The following C11orf65 variants were observed in gnomAD, a reference collection of about 807,000 sequenced individuals.
The protein encoded by C11orf65 is protein MFI.
A neutral mutation model predicts 35.3 loss-of-function variants in C11orf65; 38 were observed. The observed-to-expected ratio is 1.08, with a 90% CI of 0.83 to 1.41. C11orf65 has a LOEUF of 1.41. C11orf65 is among the 40% of genes most tolerant of loss of function. The pLI is 0.00. For synonymous variants in C11orf65, 105 were observed against 114.4 expected (o/e 0.92, Z 0.53); for missense variants, 370 against 367.1 (o/e 1.01, Z -0.06).
At chr11:108,360,334 C>T (rs1029835532) in intron 2 of C11orf65, among the ~76,000 whole-genome samples, 5 of 150,672 alleles carry the variant, frequency 3.3e-5, no homozygotes, top group Non-Finnish European at 5.9e-5. Flanking sequence ...AGTCCAGGAC[C>T]AGATGGATTC....
intron 2 of C11orf65, among the ~76,000 whole-genome samples, chr11:108,445,024 G>A (rs1591574821): frequency 6.6e-6 from 1 of 152,190 alleles, no homozygotes; most frequent in Non-Finnish European, 1.5e-5. Flanking sequence ...AGCAGTCTGA[G>A]ATCAAACTGC....
chr11:108,407,898 C>T (rs143558579), intron 3 of C11orf65, among the ~76,000 whole-genome samples: 7,728 of 138,650 alleles, frequency 0.056, 698 homozygotes, highest in African/African-American at 0.2. Context: ...CCCCACTGCA[C>T]TCCAGCCTGG....
chr11:108,458,885 T>C (rs1328056506), intron 2 of C11orf65, among the ~76,000 whole-genome samples: 2 of 152,126 alleles, frequency 1.3e-5, no homozygotes, highest in Non-Finnish European at 2.9e-5. Flanking sequence ...TCTCACTCAA[T>C]AAATCTCACA....
chr11:108,369,650 C>T (rs538312462), intron 2 of C11orf65, among the ~76,000 whole-genome samples: 1 of 152,212 alleles, frequency 6.6e-6, no homozygotes, highest in African/African-American at 2.4e-5. Flanking sequence ...TCTGAAAAAT[C>T]CCTTTGCCAT....
intron 7 of C11orf65, among the ~76,000 whole-genome samples, chr11:108,387,213 G>A (rs2092032163): frequency 8.3e-6 from 1 of 119,864 alleles, no homozygotes; most frequent in Non-Finnish European, 1.6e-5. Flanking sequence ...GGAGTGTGAT[G>A]GCACGATCTC....
chr11:108,422,227 C>A (rs1046955765), intron 3 of C11orf65, among the ~76,000 whole-genome samples: 1 of 152,170 alleles, frequency 6.6e-6, no homozygotes, highest in Non-Finnish European at 1.5e-5. Flanking sequence ...CGCGCCTGGC[C>A]GACACTTATT....
At chr11:108,465,951 C>G (rs1320870178) in intron 1 of C11orf65, among the ~76,000 whole-genome samples, 1 of 150,310 alleles carries the variant, frequency 6.7e-6, no homozygotes. Context: ...TGCCACTACT[C>G]CAGCCTGGGC....
intron 2 of C11orf65, among the ~76,000 whole-genome samples, chr11:108,357,321 G>C (rs1274332941): frequency 6.6e-6 from 1 of 152,224 alleles, no homozygotes; most frequent in Non-Finnish European, 1.5e-5. Context: ...CTGATTGCTA[G>C]CACAGCAGTC....
At chr11:108,404,286 T>C (rs1006936962) in intron 6 of C11orf65, among the ~76,000 whole-genome samples, 1 of 152,226 alleles carries the variant, frequency 6.6e-6, no homozygotes, top group African/African-American at 2.4e-5. Context: ...CACCTTTTAC[T>C]TGACCCCCTT....
intron 2 of C11orf65, chr11:108,367,324 T>C (rs1398748041): frequency 1.1e-5 from 2 of 183,604 alleles, no homozygotes; most frequent in African/African-American, 4.7e-5. Flanking sequence ...ATTTCCCCTT[T>C]CTTGTAAGTT....
chr11:108,440,892 C>T (rs2093142088), intron 2 of C11orf65, among the ~76,000 whole-genome samples: 1 of 152,200 alleles, frequency 6.6e-6, no homozygotes, highest in Non-Finnish European at 1.5e-5. Context: ...CCCCAGTCTA[C>T]AGCTCCCAGC....
intron 6 of C11orf65, among the ~76,000 whole-genome samples, chr11:108,395,811 C>A (rs111374263): frequency 2.0e-5 from 3 of 149,060 alleles, no homozygotes; most frequent in African/African-American, 7.4e-5. Context: ...TTAGTAGAGA[C>A]GGGATTTCAC....
chr11:108,422,168 T>C (rs2092828237), intron 3 of C11orf65, among the ~76,000 whole-genome samples: 1 of 152,080 alleles, frequency 6.6e-6, no homozygotes, highest in Non-Finnish European at 1.5e-5. Flanking sequence ...GACCTCATGA[T>C]CCGCCCGACT....
intron 2 of C11orf65, among the ~76,000 whole-genome samples, chr11:108,446,043 T>C (rs1203241517): frequency 1.3e-5 from 2 of 151,670 alleles, no homozygotes; most frequent in Admixed American, 6.6e-5. Context: ...ATGAAATGAA[T>C]GAAATGAATG....
intron 3 of C11orf65, among the ~76,000 whole-genome samples, chr11:108,414,029 A>G (rs146060206): frequency 6.6e-6 from 1 of 152,092 alleles, no homozygotes. Flanking sequence ...AAGCAAATTA[A>G]ATTCAAAGCA....
At chr11:108,461,091 T>C (rs1453559571) in intron 2 of C11orf65, among the ~76,000 whole-genome samples, 1 of 152,140 alleles carries the variant, frequency 6.6e-6, no homozygotes, top group Non-Finnish European at 1.5e-5. Flanking sequence ...GCTACTGAAT[T>C]GTACACTTTA....
At chr11:108,340,738 C>T (rs2087453139) in intron 2 of C11orf65, among the ~76,000 whole-genome samples, 1 of 152,112 alleles carries the variant, frequency 6.6e-6, no homozygotes, top group South Asian at 2.1e-4. Context: ...GTTTCCAGAG[C>T]CCCCTGTGGA....
intron 2 of C11orf65, among the ~76,000 whole-genome samples, chr11:108,343,648 C>T (rs2087892757): frequency 6.6e-6 from 1 of 152,058 alleles, no homozygotes; most frequent in Non-Finnish European, 1.5e-5. Context: ...TAATTCTTAG[C>T]AAACAAAACA....
chr11:108,331,421 T>C (rs2086217445), exon 4 of C11orf65: 1 of 1,609,462 alleles, frequency 6.2e-7, no homozygotes, highest in Middle Eastern at 1.7e-4. Context: ...TTTCTTAATT[T>C]TGTGTCTTTT....
Sources: allele counts gnomAD v4.1 joint callset (sites outside exome capture counted in the v4.1 genomes callset), GRCh38; gene constraint gnomAD v4.1.1; transcripts MANE v1.5; gene names NCBI Gene and HGNC (gene_info 2026-07-23, HGNC 2026-07-21).